The following GAS2L3 variants were observed in gnomAD, a reference collection of about 807,000 sequenced individuals.
GAS2L3 encodes the protein growth arrest specific 2 like 3, also known as GAS2-like protein 3.
In GAS2L3, 28 loss-of-function variants were observed where a neutral mutation model predicts 37.0. The ratio of observed to expected loss-of-function variants is 0.76; its 90% CI spans 0.56 to 1.04. The LOEUF is 1.04. Among genes scored for constraint, GAS2L3 ranks in the 50% least tolerant of loss-of-function variants. The pLI is 0.00. For missense variants in GAS2L3, 793 were observed against 817.6 expected (o/e 0.97, Z 0.37); for synonymous variants, 290 against 296.6 (o/e 0.98, Z 0.23).
chr12:100,583,697 C>A (rs1337007920), intron 1 of GAS2L3, among the ~76,000 whole-genome samples: 3 of 152,178 alleles, frequency 2.0e-5, no homozygotes, highest in South Asian at 2.1e-4. Flanking sequence ...TGGTCTTGAT[C>A]TGATCTCATA....
At chr12:100,591,710 GGAAA>G in intron 1 of GAS2L3, 22 bp from the exon 2 acceptor site, 1 of 152,074 alleles carries the variant, frequency 6.6e-6, no homozygotes, top group South Asian at 2.1e-4. Context: ...GCCATAAGAA[GGAAA>G]TGGTCATATT....
chr12:100,575,413 G>GTTCT (rs1422984357), intron 1 of GAS2L3, among the ~76,000 whole-genome samples: 1 of 147,026 alleles, frequency 6.8e-6, no homozygotes, highest in Non-Finnish European at 1.5e-5. Context: ...CAGGTATTGT[G>GTTCT]TTCTTTACTT....
At chr12:100,577,720 A>G (rs1955655527) in intron 1 of GAS2L3, among the ~76,000 whole-genome samples, 1 of 152,232 alleles carries the variant, frequency 6.6e-6, no homozygotes, top group South Asian at 2.1e-4. Flanking sequence ...AGTGCAGCAA[A>G]ATAGAAGCAT....
chr12:100,614,149 T>C (rs1956159526), intron 6 of GAS2L3, among the ~76,000 whole-genome samples: 1 of 152,244 alleles, frequency 6.6e-6, no homozygotes, highest in African/African-American at 2.4e-5. Flanking sequence ...TTTTAAAAAT[T>C]GTATTAAAAT....
chr12:100,619,620 C>A (rs978131407), intron 8 of GAS2L3, among the ~76,000 whole-genome samples: 7 of 151,654 alleles, frequency 4.6e-5, no homozygotes, highest in Non-Finnish European at 8.8e-5. Flanking sequence ...CTACATTATG[C>A]TATTCATGTG....
intron 1 of GAS2L3, among the ~76,000 whole-genome samples, chr12:100,580,815 G>T (rs35706): frequency 2.6e-5 from 4 of 151,912 alleles, no homozygotes; most frequent in Non-Finnish European, 5.9e-5. Flanking sequence ...GCTTCCTGCC[G>T]TTAAGGACCA....
chr12:100,592,107 C>T (rs990287026), intron 2 of GAS2L3, among the ~76,000 whole-genome samples: 5 of 151,928 alleles, frequency 3.3e-5, no homozygotes, highest in African/African-American at 1.2e-4. Flanking sequence ...TTGTTCTTAC[C>T]GCTTATCTTG....
intron 9 of GAS2L3, 136 bp from the exon 10 acceptor site, chr12:100,623,426 T>C: frequency 3.2e-6 from 2 of 623,122 alleles, no homozygotes; most frequent in Non-Finnish European, 5.3e-6. Context: ...AAACAAACTG[T>C]CAATTTGTAG....
intron 1 of GAS2L3, among the ~76,000 whole-genome samples, chr12:100,581,106 A>G (rs1278755068): frequency 6.6e-6 from 1 of 152,198 alleles, no homozygotes; most frequent in Non-Finnish European, 1.5e-5. Flanking sequence ...AGTTTTCTGT[A>G]AAAGCCTTCG....
In GAS2L3 at chr12:100,623,647, G is replaced by A. The variant is rs771077255; in HGVS notation, c.842G>A (p.Arg281Gln). The A allele has an allele frequency of 5.0e-6, 8 of 1,613,696 alleles. No homozygotes were observed. The highest frequency in any genetic ancestry group is 1.1e-5 in the South Asian group (1 of 91,050). ...QGFLLKYDPCRILQFATLEQK... is the reference protein window; with the variant it reads ...QGFLLKYDPCQILQFATLEQK... ...TTTTTGCTTAAATATGACCCCTGTC[G>A]AATATTACAGTTTGCCACATTAGAA... The change falls in exon 10 of 10, where the codon CGA becomes CAA. Residue 281 changes from arginine to glutamine, a missense_variant. Physicochemically the swap from Arg to Gln is conservative, Grantham distance 43. Coordinates refer to ENST00000547754, the MANE Select transcript of GAS2L3 (RefSeq NM_174942.3).
chr12:100,622,451 AC>A lies in GAS2L3; in HGVS notation c.756+71del, dbSNP rs1451917600. On this transcript the variant is annotated intron_variant, in intron 9 of 9. Transcript: ENST00000547754. ...TGAAATTGGATTTATTGCTTTACTA[AC>A]CTTTTGCTCTCCTTTTACTTTTAAA... is the stretch of plus-strand genomic sequence containing the variant. 7.9e-6 allele frequency: 6 copies of A among 763,952 alleles called. No homozygotes were observed. The East Asian group carries it at 1.5e-4, about 20-fold the overall frequency. 47.3% of individuals were successfully genotyped at this position (763,952 alleles called of 1,614,324 possible).
At chr12:100,597,978 A>T (rs1191692022) in intron 3 of GAS2L3, among the ~76,000 whole-genome samples, 2 of 152,136 alleles carry the variant, frequency 1.3e-5, no homozygotes, top group Non-Finnish European at 2.9e-5. Flanking sequence ...TTAAAAAAAA[A>T]TTTTAAAGCC....
At chr12:100,590,954 G>T (rs551197202) in intron 1 of GAS2L3, among the ~76,000 whole-genome samples, 40 of 152,106 alleles carry the variant, frequency 2.6e-4, no homozygotes, top group African/African-American at 9.4e-4. Flanking sequence ...GGGGGCAAGG[G>T]ATAGAAGACT....
chr12:100,617,995 A>G (rs1347047700), intron 7 of GAS2L3, among the ~76,000 whole-genome samples, 188 bp downstream of exon 7: 3 of 152,158 alleles, frequency 2.0e-5, no homozygotes, highest in Admixed American at 6.5e-5. Context: ...CCGAGTTCTC[A>G]ATATAGCTTG....
intron 1 of GAS2L3, among the ~76,000 whole-genome samples, chr12:100,590,975 T>A (rs1333941528): frequency 6.6e-6 from 1 of 152,072 alleles, no homozygotes; most frequent in Non-Finnish European, 1.5e-5. Flanking sequence ...ACAAATATGG[T>A]GCAGTGTATA....
chr12:100,616,112 A>G (rs1478781705), intron 6 of GAS2L3, among the ~76,000 whole-genome samples: 1 of 152,238 alleles, frequency 6.6e-6, no homozygotes, highest in Admixed American at 6.5e-5. Context: ...CTTCCAATCC[A>G]TGAACATGAG....
chr12:100,575,729 C>G (rs577186311), intron 1 of GAS2L3, among the ~76,000 whole-genome samples: 27 of 151,938 alleles, frequency 1.8e-4, no homozygotes, highest in African/African-American at 6.3e-4. Context: ...CCGCCCGACT[C>G]GGCCTCCCAA....
intron 1 of GAS2L3, among the ~76,000 whole-genome samples, chr12:100,585,858 A>G (rs1481315365): frequency 1.3e-5 from 2 of 151,182 alleles, no homozygotes; most frequent in African/African-American, 4.9e-5. Flanking sequence ...CTTCCACACT[A>G]CTCTCCCATC....
At chr12:100,600,060 A>G (rs751043369) in intron 3 of GAS2L3, among the ~76,000 whole-genome samples, 47 of 152,114 alleles carry the variant, frequency 3.1e-4, no homozygotes, top group Non-Finnish European at 5.1e-4. Context: ...CATCTCTGCA[A>G]TACATAAAAT....
Sources: allele counts gnomAD v4.1 joint callset (sites outside exome capture counted in the v4.1 genomes callset), GRCh38; gene constraint gnomAD v4.1.1; transcripts MANE v1.5; gene names NCBI Gene and HGNC (gene_info 2026-07-23, HGNC 2026-07-21).